Variants in CTNNA2 observed in about 807,000 individuals in gnomAD.
The protein encoded by CTNNA2 is catenin alpha 2, also known as catenin alpha-2.
CTNNA2 carries 42 observed loss-of-function variants against 101.0 expected under a neutral mutation model. The ratio of observed to expected loss-of-function variants is 0.42; its 90% CI spans 0.32 to 0.54. The LOEUF (loss-of-function observed/expected upper bound fraction) is 0.54, where lower values mean the gene tolerates loss of function less well. Among genes scored for constraint, CTNNA2 ranks in the 20% least tolerant of loss-of-function variants. The probability of loss-of-function intolerance (pLI) is 0.14; values close to 1 mark genes in which losing one functional copy is unlikely to be tolerated. For missense variants in CTNNA2, 871 were observed against 1,223.1 expected (o/e 0.71, Z 4.29); for synonymous variants, 450 against 456.4 (o/e 0.99, Z 0.18).
intron 7 of CTNNA2, among the ~76,000 whole-genome samples, chr2:80,258,921 T>G (rs1166704874): frequency 6.6e-6 from 1 of 152,170 alleles, no homozygotes; most frequent in African/African-American, 2.4e-5. Flanking sequence ...TAAACGTTAC[T>G]GACATTATGA....
At chr2:79,735,391 A>C (rs995096807) in intron 2 of CTNNA2, among the ~76,000 whole-genome samples, 1 of 152,168 alleles carries the variant, frequency 6.6e-6, no homozygotes, top group African/African-American at 2.4e-5. Flanking sequence ...TCTCACCGAC[A>C]ACATGAAAGG....
chr2:80,065,823 T>A (rs1434202066), intron 7 of CTNNA2, among the ~76,000 whole-genome samples: 2 of 152,324 alleles, frequency 1.3e-5, no homozygotes, highest in African/African-American at 4.8e-5. Flanking sequence ...ATTGCTAGCA[T>A]ACCATAGCTC....
At chr2:80,550,868 G>T (rs762392930) in intron 11 of CTNNA2, among the ~76,000 whole-genome samples, 3 of 152,072 alleles carry the variant, frequency 2.0e-5, no homozygotes, top group Admixed American at 6.6e-5. Flanking sequence ...GACTTTCTCC[G>T]GTGAATCAAT....
chr2:79,610,019 A>T (rs2104183585), intron 1 of CTNNA2, among the ~76,000 whole-genome samples: 1 of 152,280 alleles, frequency 6.6e-6, no homozygotes, highest in African/African-American at 2.4e-5. Context: ...ATCTTTGCAA[A>T]GTATATATCT....
chr2:79,264,694 G>A (rs574145509), intron 2 of CTNNA2, among the ~76,000 whole-genome samples: 43 of 151,326 alleles, frequency 2.8e-4, no homozygotes, highest in Non-Finnish European at 5.7e-4. Flanking sequence ...TAAGACCAAA[G>A]GTACCCTCGT....
intron 7 of CTNNA2, among the ~76,000 whole-genome samples, chr2:80,255,559 T>C (rs907048913): frequency 6.6e-6 from 1 of 152,182 alleles, no homozygotes; most frequent in Admixed American, 6.6e-5. Context: ...AATGACTAAC[T>C]TGTTTCAAAG....
At chr2:79,624,146 C>T (rs1428532003) in intron 1 of CTNNA2, among the ~76,000 whole-genome samples, 1 of 152,018 alleles carries the variant, frequency 6.6e-6, no homozygotes, top group Admixed American at 6.6e-5. Context: ...AAACTCTGGG[C>T]AAATCCAGTT....
chr2:80,004,672 C>CATTTATTTATTTATTTATTT (rs59472149), intron 7 of CTNNA2, among the ~76,000 whole-genome samples: 1 of 145,562 alleles, frequency 6.9e-6, no homozygotes, highest in African/African-American at 2.6e-5. Flanking sequence ...TTTTATTTTA[C>CATTTATTTATTTATTTATTT]ATTTATTTAT....
intron 3 of CTNNA2, among the ~76,000 whole-genome samples, chr2:79,346,036 G>T (rs1206075171): frequency 6.6e-6 from 1 of 151,944 alleles, no homozygotes; most frequent in East Asian, 1.9e-4. Context: ...CAGAGTTTTG[G>T]GAGCTAATCT....
intron 7 of CTNNA2, among the ~76,000 whole-genome samples, chr2:80,182,889 G>A (rs541849304): frequency 5.3e-5 from 8 of 152,142 alleles, no homozygotes; most frequent in Non-Finnish European, 7.3e-5. Context: ...GTTAACAAGG[G>A]CAAGGCGTTG....
intron 4 of CTNNA2, among the ~76,000 whole-genome samples, chr2:79,475,822 T>C (rs947712307): frequency 1.3e-5 from 2 of 152,160 alleles, no homozygotes; most frequent in African/African-American, 4.8e-5. Context: ...TGTTTGTCTA[T>C]TATGCTTGGT....
chr2:79,553,611 G>A (rs925076861), intron 1 of CTNNA2, among the ~76,000 whole-genome samples: 1 of 152,128 alleles, frequency 6.6e-6, no homozygotes, highest in Non-Finnish European at 1.5e-5. Context: ...GGGGAAGCAG[G>A]CACATCTTAT....
intron 3 of CTNNA2, among the ~76,000 whole-genome samples, chr2:79,744,851 T>A (rs1030305474): frequency 2.0e-5 from 3 of 152,220 alleles, no homozygotes; most frequent in Non-Finnish European, 4.4e-5. Context: ...AGACTTTGTG[T>A]CAAACTCAGG....
chr2:79,893,990 T>TTTCTTCTTCTTC (rs60336887), intron 6 of CTNNA2, among the ~76,000 whole-genome samples: 23 of 114,910 alleles, frequency 2.0e-4, no homozygotes, highest in South Asian at 6.8e-4. Flanking sequence ...CTTAGGCTGT[T>TTTCTTCTTCTTC]TTCTTCTTCT....
At chr2:79,553,578 T>G (rs1674252323) in intron 1 of CTNNA2, among the ~76,000 whole-genome samples, 1 of 152,080 alleles carries the variant, frequency 6.6e-6, no homozygotes, top group Non-Finnish European at 1.5e-5. Flanking sequence ...CTCAAGAAAC[T>G]TATAGTTATG....
intron 15 of CTNNA2, among the ~76,000 whole-genome samples, chr2:80,598,709 T>C (rs939979645): frequency 2.0e-5 from 3 of 152,148 alleles, no homozygotes; most frequent in Admixed American, 2.0e-4. Flanking sequence ...TACTCAGCAA[T>C]AAAAATGCAT....
Position 80,542,068 on chromosome 2 carries a change from C to A in CTNNA2, c.1291-2914C>A, listed in dbSNP as rs1453144198. On this transcript the variant is annotated intron_variant, in intron 9 of 18. Transcript: ENST00000402739. ...GTGAAGCAAATTCCAAACATCAGTT[C>A]ATCAATAAACATCTTGATTATATAG... is the stretch of plus-strand genomic sequence containing the variant. Among the ~76,000 whole-genome samples the A allele has an allele frequency of 2.0e-5, 3 of 150,272 alleles. 1 individual carries two copies. Among genetic ancestry groups the A allele is most frequent in the Non-Finnish European group, 2.9e-5 (2 of 67,808 alleles).
chr2:79,873,415 T>C (rs1356441073), intron 5 of CTNNA2, among the ~76,000 whole-genome samples: 2 of 152,194 alleles, frequency 1.3e-5, no homozygotes, highest in African/African-American at 4.8e-5. Context: ...AGGTACGTTA[T>C]AGAAGAGAAA....
At chr2:79,208,842 A>G (rs956326858) in intron 2 of CTNNA2, among the ~76,000 whole-genome samples, 2 of 152,236 alleles carry the variant, frequency 1.3e-5, no homozygotes, top group Non-Finnish European at 2.9e-5. Flanking sequence ...ATATGGATTC[A>G]TCAGGAATGA....
Sources: allele counts gnomAD v4.1 joint callset (sites outside exome capture counted in the v4.1 genomes callset), GRCh38; gene constraint gnomAD v4.1.1; transcripts MANE v1.5; gene names NCBI Gene and HGNC (gene_info 2026-07-23, HGNC 2026-07-21).